Variants in STK38L observed in about 807,000 individuals in gnomAD.
STK38L encodes serine/threonine kinase 38 like, also known as serine/threonine-protein kinase 38-like.
Under a neutral mutation model 59.7 loss-of-function variants are expected in STK38L, and 28 were observed. The ratio of observed to expected loss-of-function variants is 0.47; its 90% CI spans 0.35 to 0.64. The LOEUF (loss-of-function observed/expected upper bound fraction) is 0.64. Ranked by LOEUF, STK38L falls within the 30% of genes least tolerant of loss-of-function variation. The pLI is 0.01. For synonymous variants in STK38L, 162 were observed against 176.8 expected (o/e 0.92, Z 0.66); for missense variants, 314 against 555.8 (o/e 0.56, Z 4.37).
chr12:27,258,245 A>G (rs1321251027), intron 1 of STK38L, among the ~76,000 whole-genome samples: 1 of 152,216 alleles, frequency 6.6e-6, no homozygotes, highest in Non-Finnish European at 1.5e-5. Context: ...GGATTTCGTT[A>G]TATTGCCTAG....
chr12:27,276,468 G>T (rs571654831), intron 1 of STK38L, among the ~76,000 whole-genome samples: 1 of 151,938 alleles, frequency 6.6e-6, no homozygotes, highest in South Asian at 2.1e-4. Context: ...GACTTCCACC[G>T]AGCCCATCTC....
intron 1 of STK38L, among the ~76,000 whole-genome samples, chr12:27,269,201 A>G (rs1273501886): frequency 3.3e-5 from 5 of 152,292 alleles, no homozygotes; most frequent in Non-Finnish European, 5.9e-5. Context: ...GCCCATGCCT[A>G]TGTCCTGAAT....
Position 27,308,307 on chromosome 12 carries a change from A to G in STK38L, c.187-32A>G. 6.7e-7 allele frequency: 1 copy of G among 1,493,308 alleles called. No homozygotes were observed. Among genetic ancestry groups the G allele is most frequent in the Non-Finnish European group, 8.9e-7 (1 of 1,118,428 alleles). The allele number at this position is 1,493,308 out of a possible 1,614,324, so 92.5% of individuals were successfully genotyped here. A position where few individuals can be genotyped will look rare whatever the true frequency, so the allele number is the denominator to read the frequency against. On this transcript the variant is annotated intron_variant, in intron 3 of 13. Coordinates refer to ENST00000389032, the MANE Select transcript of STK38L (RefSeq NM_015000.4). The surrounding 1 kb of genome is among the most constrained non-coding windows in gnomAD (Gnocchi z 4.5). ...CTCCATCAAAACAACCTAATTATAA[A>G]ATCATCCGTTTAAATTGTTTTTTTT...
intron 1 of STK38L, among the ~76,000 whole-genome samples, chr12:27,255,496 T>C (rs1943073009): frequency 6.6e-6 from 1 of 152,248 alleles, no homozygotes; most frequent in Admixed American, 6.5e-5. Flanking sequence ...AGAAATACTG[T>C]CTTGAAGTTT....
At chr12:27,249,729 C>T (rs748686771) in intron 1 of STK38L, among the ~76,000 whole-genome samples, 1 of 152,188 alleles carries the variant, frequency 6.6e-6, no homozygotes, top group Non-Finnish European at 1.5e-5. Context: ...ATTCTCTGGC[C>T]ATTTATACAG....
chr12:27,314,762 A>G (rs1233365558), intron 7 of STK38L, 104 bp downstream of exon 7: 11 of 1,276,062 alleles, frequency 8.6e-6, no homozygotes, highest in Middle Eastern at 2.0e-4. Context: ...GAATATTGCT[A>G]AACAACATTA....
At chr12:27,279,244 T>C (rs952395702) in intron 1 of STK38L, among the ~76,000 whole-genome samples, 2 of 152,180 alleles carry the variant, frequency 1.3e-5, no homozygotes, top group African/African-American at 4.8e-5. Context: ...TGTAGCCCCA[T>C]TGAAAGTCAA....
At chr12:27,314,480 T>C (rs1944537046) in intron 6 of STK38L, 24 bp from the exon 7 acceptor site, 1 of 1,458,480 alleles carries the variant, frequency 6.9e-7, no homozygotes, top group Admixed American at 2.4e-5. Flanking sequence ...TCAATAATAA[T>C]ATATTTGACT....
rs543291459 is a variant in STK38L at position 27,263,078 on chromosome 12, A to C, written c.-12+18746A>C. 2.8e-4 allele frequency among the ~76,000 whole-genome samples: 43 copies of C among 152,310 alleles called. 1 individual carries two copies. The highest frequency in any genetic ancestry group is 9.9e-4 in the African/African-American group (41 of 41,574). ...AGTGCTGGGATTACAGGCGTAAGTC[A>C]CTGTGCCCAGCCAAGATTGTTTTGA... is the stretch of plus-strand genomic sequence containing the variant. On this transcript the variant is annotated intron_variant, in intron 1 of 13. Transcript: ENST00000389032.
At chr12:27,265,617 G>C (rs921153867) in intron 1 of STK38L, among the ~76,000 whole-genome samples, 27 of 152,156 alleles carry the variant, frequency 1.8e-4, no homozygotes, top group Non-Finnish European at 4.0e-4. Flanking sequence ...ATTATTGATT[G>C]AATGAAAGAA....
intron 1 of STK38L, among the ~76,000 whole-genome samples, chr12:27,287,153 G>T (rs538608264): frequency 6.7e-6 from 1 of 149,342 alleles, no homozygotes; most frequent in African/African-American, 2.5e-5. Flanking sequence ...AGGCTGGAGT[G>T]CAATGGTGCG....
intron 1 of STK38L, among the ~76,000 whole-genome samples, chr12:27,272,908 T>C (rs1943454655): frequency 6.6e-6 from 1 of 152,096 alleles, no homozygotes; most frequent in African/African-American, 2.4e-5. Flanking sequence ...TACTGAAAAC[T>C]TTGGCAGTTA....
chr12:27,284,748 A>G (rs533927649), intron 1 of STK38L, among the ~76,000 whole-genome samples: 2 of 152,354 alleles, frequency 1.3e-5, no homozygotes, highest in South Asian at 2.1e-4. Context: ...TCACAAGTCA[A>G]TAAAATGGTG....
intron 1 of STK38L, among the ~76,000 whole-genome samples, chr12:27,269,503 A>G (rs1406491191): frequency 1.3e-5 from 2 of 152,174 alleles, no homozygotes; most frequent in African/African-American, 2.4e-5. Context: ...TACCAGTACC[A>G]TGCTGTTTTG....
At chr12:27,254,866 C>T (rs941435184) in intron 1 of STK38L, among the ~76,000 whole-genome samples, 1 of 152,178 alleles carries the variant, frequency 6.6e-6, no homozygotes, top group Non-Finnish European at 1.5e-5. Flanking sequence ...CTTCCAGGTA[C>T]CACTTGGTAG....
chr12:27,305,683 G>A (rs1001334555), intron 3 of STK38L, among the ~76,000 whole-genome samples: 1 of 152,134 alleles, frequency 6.6e-6, no homozygotes, highest in African/African-American at 2.4e-5. Context: ...CCCTACAGAT[G>A]GAGAGTTTGA....
intron 3 of STK38L, among the ~76,000 whole-genome samples, chr12:27,306,714 AACACACACACACAC>A (rs10553623): frequency 3.2e-4 from 44 of 139,082 alleles, no homozygotes; most frequent in African/African-American, 1.1e-3. Context: ...GAATTTTATA[AACACACACACACAC>A]ACACACACAC....
chr12:27,297,708 A>T lies in STK38L; in HGVS notation c.-11-2A>T. ...ATAATTTGTTTTTCTATGTTGTTTC[A>T]GTTTCCGTTACTATGGCAATGACGG... On this transcript the variant is annotated splice_acceptor_variant, in intron 1 of 13. Transcript: ENST00000389032. LOFTEE classifies it low-confidence loss of function (5UTR_SPLICE). 1 of 1,599,942 alleles carries T rather than the reference A, an allele frequency of 6.3e-7. No individual in the cohort carries two copies. Among genetic ancestry groups the T allele is most frequent in the South Asian group, 1.1e-5 (1 of 88,498 alleles).
rs1466662050 is a variant in STK38L, at chr12:27,308,928, AAAATATATAT to A, written c.310-174_310-165del. Reference sequence around the variant, plus strand: ...TATATAAATATATATTAATATATATAAAATATATATAAATATATATATAACATATATAAAA... The same window carrying A: ...TATATAAATATATATTAATATATATAAAATATATATATAACATATATAAAA... On this transcript the variant is annotated intron_variant, in intron 4 of 13. Coordinates refer to ENST00000389032, the MANE Select transcript of STK38L (RefSeq NM_015000.4). This position sits in a 1 kb window ranked among gnomAD's most constrained non-coding sequence, Gnocchi z 4.5. 1.4e-5 allele frequency among the ~76,000 whole-genome samples: 2 copies of A among 145,830 alleles called. No individual in the cohort carries two copies. Among genetic ancestry groups the A allele is most frequent in the Non-Finnish European group, 3.0e-5 (2 of 66,384 alleles).
Sources: allele counts gnomAD v4.1 joint callset (sites outside exome capture counted in the v4.1 genomes callset), GRCh38; gene constraint gnomAD v4.1.1; non-coding constraint Gnocchi (gnomAD v3.1); transcripts MANE v1.5; gene names NCBI Gene and HGNC (gene_info 2026-07-23, HGNC 2026-07-21).